The following GABRB1 variants were observed in gnomAD, a reference collection of about 807,000 sequenced individuals.
GABRB1 encodes gamma-aminobutyric acid receptor subunit beta-1.
GABRB1 carries 17 observed loss-of-function variants against 51.6 expected under a neutral mutation model. The observed-to-expected ratio is 0.33, with a 90% confidence interval of 0.23 to 0.49. The LOEUF (loss-of-function observed/expected upper bound fraction) is 0.49, where lower values mean the gene tolerates loss of function less well. Ranked by LOEUF, GABRB1 falls within the 20% of genes least tolerant of loss-of-function variation. GABRB1 has a pLI of 0.99. For missense variants in GABRB1, 410 were observed against 600.6 expected, an observed-to-expected ratio of 0.68 and a Z score of 3.32; for synonymous variants, 247 against 218.9, an observed-to-expected ratio of 1.13 and a Z score of -1.14.
chr4:47,379,853 T>C (rs1311197124), intron 5 of GABRB1, among the ~76,000 whole-genome samples: 1 of 152,194 alleles, frequency 6.6e-6, no homozygotes, highest in Non-Finnish European at 1.5e-5. Context: ...AATACTGCCC[T>C]AACAAGGCTT....
chr4:47,302,569 G>T (rs1724300318), intron 4 of GABRB1, among the ~76,000 whole-genome samples: 1 of 151,838 alleles, frequency 6.6e-6, no homozygotes, highest in Admixed American at 6.6e-5. Context: ...AAATTATGAT[G>T]CATAAGGAAT....
At chr4:47,283,527 A>G (rs1210484837) in intron 4 of GABRB1, among the ~76,000 whole-genome samples, 1 of 150,672 alleles carries the variant, frequency 6.6e-6, no homozygotes, top group Non-Finnish European at 1.5e-5. Context: ...CTGGGACTAC[A>G]GGAGCCTGCC....
At chr4:47,109,204 G>C (rs1325703543) in intron 3 of GABRB1, among the ~76,000 whole-genome samples, 1 of 152,024 alleles carries the variant, frequency 6.6e-6, no homozygotes, top group African/African-American at 2.4e-5. Context: ...ACTACAGGCT[G>C]GGGAACCAGA....
At chr4:47,293,810 C>A (rs1181076952) in intron 4 of GABRB1, among the ~76,000 whole-genome samples, 1 of 152,156 alleles carries the variant, frequency 6.6e-6, no homozygotes, top group Admixed American at 6.5e-5. Flanking sequence ...TTAATTATAG[C>A]TTGTAAGCAA....
chr4:47,160,697 G>A (rs1054208147), intron 3 of GABRB1, among the ~76,000 whole-genome samples: 1 of 151,784 alleles, frequency 6.6e-6, no homozygotes, highest in African/African-American at 2.4e-5. Context: ...ACATCTATTT[G>A]CTCTATATTG....
At chr4:47,024,025 A>G (rs1335434811) in intron 1 of GABRB1, among the ~76,000 whole-genome samples, 1 of 151,946 alleles carries the variant, frequency 6.6e-6, no homozygotes, top group East Asian at 1.9e-4. Flanking sequence ...CTAGCTAACT[A>G]ATAAAATCTT....
At chr4:47,044,627 G>T (rs1332336065) in intron 3 of GABRB1, among the ~76,000 whole-genome samples, 1 of 152,010 alleles carries the variant, frequency 6.6e-6, no homozygotes, top group Non-Finnish European at 1.5e-5. Context: ...TAGTGTAATT[G>T]TTAAGTGCTG....
chr4:47,234,704 A>T (rs1255813339), intron 4 of GABRB1, among the ~76,000 whole-genome samples: 4 of 152,144 alleles, frequency 2.6e-5, no homozygotes, highest in African/African-American at 9.7e-5. Flanking sequence ...AGGAAGAAAA[A>T]ATTCTCCCTT....
intron 4 of GABRB1, among the ~76,000 whole-genome samples, chr4:47,285,604 A>G (rs1372036674): frequency 1.3e-5 from 2 of 152,168 alleles, no homozygotes; most frequent in Admixed American, 6.5e-5. Flanking sequence ...GTTGGTTCCT[A>G]GAGTGGTTAA....
intron 4 of GABRB1, among the ~76,000 whole-genome samples, chr4:47,259,421 T>C (rs889323420): frequency 6.6e-6 from 1 of 152,198 alleles, no homozygotes; most frequent in African/African-American, 2.4e-5. Flanking sequence ...ATAAGCTCTG[T>C]TTGTATGTTA....
intron 8 of GABRB1, among the ~76,000 whole-genome samples, chr4:47,423,164 A>G (rs1729144547): frequency 6.6e-6 from 1 of 152,218 alleles, no homozygotes; most frequent in African/African-American, 2.4e-5. Flanking sequence ...TGCAAAAGTC[A>G]GATCTGGACA....
At chr4:47,212,459 C>T (rs1392956548) in intron 4 of GABRB1, among the ~76,000 whole-genome samples, 1 of 152,120 alleles carries the variant, frequency 6.6e-6, no homozygotes, top group Non-Finnish European at 1.5e-5. Flanking sequence ...TTTGGATCAC[C>T]TGCGGTCAGG....
chr4:47,148,404 T>A (rs1717273956), intron 3 of GABRB1, among the ~76,000 whole-genome samples: 1 of 152,050 alleles, frequency 6.6e-6, no homozygotes, highest in East Asian at 1.9e-4. Flanking sequence ...GCTCATCCTT[T>A]ATCCTAGAGT....
At chr4:47,123,913 A>C (rs1438521633) in intron 3 of GABRB1, among the ~76,000 whole-genome samples, 1 of 101,886 alleles carries the variant, frequency 9.8e-6, no homozygotes, top group African/African-American at 3.8e-5. Context: ...ATTATATATT[A>C]ATATATGATA....
rs59187371 is a variant in GABRB1 at position 47,246,299 on chromosome 4, T to TACAC, written c.462-73800_462-73797dup. 2.1e-3 allele frequency among the ~76,000 whole-genome samples: 179 copies of TACAC among 84,132 alleles called. 8 individuals carry two copies. Among genetic ancestry groups the TACAC allele is most frequent in the African/African-American group, 7.0e-3 (150 of 21,292 alleles). The allele number at this position is 84,132 out of a possible 152,430, so 55.2% of individuals were successfully genotyped here. A position where few individuals can be genotyped will look rare whatever the true frequency, so the allele number is the denominator to read the frequency against. ...CATCATATATATATATATATATATA[T>TACAC]ACACACACACACACACACACACACA... On this transcript the variant is annotated intron_variant, in intron 4 of 8. Coordinates refer to ENST00000295454, the MANE Select transcript of GABRB1 (RefSeq NM_000812.4).
intron 3 of GABRB1, among the ~76,000 whole-genome samples, chr4:47,133,959 G>A (rs940359864): frequency 1.3e-5 from 2 of 152,130 alleles, no homozygotes; most frequent in Non-Finnish European, 2.9e-5. Flanking sequence ...TATTTTACAT[G>A]TTAAGAAGTA....
chr4:47,185,417 C>G (rs978236654), intron 4 of GABRB1, among the ~76,000 whole-genome samples: 7 of 151,818 alleles, frequency 4.6e-5, no homozygotes, highest in Non-Finnish European at 2.9e-5. Flanking sequence ...GCACCACAAC[C>G]CTACCATGGA....
chr4:47,169,252 CACTG>C (rs1718339292), intron 4 of GABRB1, among the ~76,000 whole-genome samples: 1 of 152,096 alleles, frequency 6.6e-6, no homozygotes, highest in Non-Finnish European at 1.5e-5. Context: ...GGACTGAACT[CACTG>C]ACTATTTGAT....
rs1026573836 is a variant in GABRB1, at chr4:47,202,656, A to G, written c.461+41187A>G. 1.6e-4 allele frequency among the ~76,000 whole-genome samples: 24 copies of G among 152,332 alleles called. No individual in the cohort carries two copies. The Middle Eastern group carries it at 0.014, about 86-fold the overall frequency. On this transcript the variant is annotated intron_variant, in intron 4 of 8. Transcript: ENST00000295454. Reference sequence around the variant, plus strand: ...AAAAGAAACAAGAACAGAGTTGACAAGACTGTCTCAAATAAGTCATTTCCT... The same window carrying G: ...AAAAGAAACAAGAACAGAGTTGACAGGACTGTCTCAAATAAGTCATTTCCT...
Sources: allele counts gnomAD v4.1 joint callset (sites outside exome capture counted in the v4.1 genomes callset), GRCh38; gene constraint gnomAD v4.1.1; transcripts MANE v1.5; gene names NCBI Gene and HGNC (gene_info 2026-07-23, HGNC 2026-07-21).